Variants in SEMA3A observed in about 807,000 individuals in gnomAD.
The protein encoded by SEMA3A is semaphorin-3A.
In SEMA3A, 29 loss-of-function variants were observed where a neutral mutation model predicts 97.9. The observed-to-expected ratio is 0.30, with a 90% confidence interval of 0.22 to 0.40. SEMA3A has a LOEUF of 0.40. Ranked by LOEUF, SEMA3A falls within the 10% of genes least tolerant of loss-of-function variation. The pLI is 1.00. For synonymous variants in SEMA3A, 321 were observed against 323.7 expected, an observed-to-expected ratio of 0.99 and a Z score of 0.09; for missense variants, 763 against 951.3, an observed-to-expected ratio of 0.80 and a Z score of 2.60.
chr7:84,087,991 T>C (rs1794432907), intron 4 of SEMA3A, among the ~76,000 whole-genome samples: 1 of 152,172 alleles, frequency 6.6e-6, no homozygotes, highest in African/African-American at 2.4e-5. Context: ...TATCCCTGTT[T>C]TAGGGATCTT....
At chr7:84,311,626 C>T (rs1309806368) in intron 2 of SEMA3A, among the ~76,000 whole-genome samples, 1 of 151,834 alleles carries the variant, frequency 6.6e-6, no homozygotes, top group Non-Finnish European at 1.5e-5. Flanking sequence ...GAACATTGCT[C>T]AGGGAAGGCA....
chr7:84,012,778 T>C (rs770000343), intron 7 of SEMA3A, among the ~76,000 whole-genome samples: 7 of 152,178 alleles, frequency 4.6e-5, no homozygotes, highest in Non-Finnish European at 1.0e-4. Flanking sequence ...ACTATTGAGG[T>C]ATGTGTTTAC....
intron 3 of SEMA3A, among the ~76,000 whole-genome samples, chr7:84,298,881 A>G (rs1054050994): frequency 5.9e-5 from 9 of 152,096 alleles, no homozygotes; most frequent in Admixed American, 4.6e-4. Context: ...TGCCAGCAAA[A>G]CTAGAATAAA....
chr7:84,377,464 T>C (rs1218175866), intron 1 of SEMA3A, among the ~76,000 whole-genome samples: 1 of 152,154 alleles, frequency 6.6e-6, no homozygotes, highest in Non-Finnish European at 1.5e-5. Flanking sequence ...GGTCTATGTG[T>C]CTGTTTTTAT....
At chr7:84,455,616 T>A (rs1584337797) in intron 1 of SEMA3A, among the ~76,000 whole-genome samples, 2 of 151,952 alleles carry the variant, frequency 1.3e-5, no homozygotes, top group African/African-American at 4.8e-5. Context: ...TTCAGAGTGA[T>A]AATTTCTATG....
intron 3 of SEMA3A, among the ~76,000 whole-genome samples, chr7:84,254,722 A>C (rs1382210693): frequency 6.6e-6 from 1 of 152,114 alleles, no homozygotes; most frequent in Non-Finnish European, 1.5e-5. Context: ...TGTAATCACC[A>C]CCCAGTCAAG....
chr7:84,472,479 T>A (rs552803716), intron 1 of SEMA3A, among the ~76,000 whole-genome samples: 1 of 152,220 alleles, frequency 6.6e-6, no homozygotes, highest in African/African-American at 2.4e-5. Context: ...ATTGTATTTG[T>A]ATCATGAAGC....
chr7:84,245,871 G>A (rs1799464931), intron 3 of SEMA3A, among the ~76,000 whole-genome samples: 1 of 152,154 alleles, frequency 6.6e-6, no homozygotes, highest in Non-Finnish European at 1.5e-5. Context: ...CCTTAGCAGA[G>A]CTCAAGCACT....
chr7:84,065,519 C>T (rs1238227049), intron 4 of SEMA3A, among the ~76,000 whole-genome samples: 1 of 149,424 alleles, frequency 6.7e-6, no homozygotes, highest in Non-Finnish European at 1.5e-5. Context: ...TGATAGACCG[C>T]TAGCAAGACT....
intron 3 of SEMA3A, among the ~76,000 whole-genome samples, chr7:84,222,475 A>G (rs1798902751): frequency 6.6e-6 from 1 of 151,912 alleles, no homozygotes; most frequent in Non-Finnish European, 1.5e-5. Context: ...AGCAGATAAG[A>G]TAAAAAAGAA....
At chr7:84,408,338 A>G (rs1036558122) in intron 1 of SEMA3A, among the ~76,000 whole-genome samples, 5 of 152,114 alleles carry the variant, frequency 3.3e-5, no homozygotes, top group African/African-American at 1.2e-4. Flanking sequence ...CAAAACCACA[A>G]TGAGATATCA....
intron 2 of SEMA3A, among the ~76,000 whole-genome samples, chr7:84,367,159 T>C (rs1400870258): frequency 4.0e-5 from 6 of 151,048 alleles, no homozygotes; most frequent in Non-Finnish European, 5.9e-5. Context: ...GGGGCTAGAG[T>C]AGAAGTAAGA....
chr7:84,343,766 G>A (rs901555671), intron 2 of SEMA3A, among the ~76,000 whole-genome samples: 3 of 152,106 alleles, frequency 2.0e-5, no homozygotes, highest in Admixed American at 6.6e-5. Context: ...TTGGAAGGCC[G>A]AGGGGAGAGG....
At chr7:84,440,365 C>T (rs1165201473) in intron 1 of SEMA3A, among the ~76,000 whole-genome samples, 1 of 152,130 alleles carries the variant, frequency 6.6e-6, no homozygotes. Context: ...GCAGCTTGAA[C>T]ACAGCTTGTG....
At chr7:84,373,248 T>C (rs1182592375) in intron 1 of SEMA3A, among the ~76,000 whole-genome samples, 2 of 152,158 alleles carry the variant, frequency 1.3e-5, no homozygotes, top group South Asian at 2.1e-4. Context: ...GCCACCAACT[T>C]TCCTGTAGTT....
chr7:84,058,863 A>G (rs770882628), intron 5 of SEMA3A, among the ~76,000 whole-genome samples: 1 of 152,132 alleles, frequency 6.6e-6, no homozygotes, highest in Non-Finnish European at 1.5e-5. Flanking sequence ...ATATAAAACT[A>G]AAACTGTGGA....
At chr7:84,233,302 C>T (rs1482338496) in intron 3 of SEMA3A, among the ~76,000 whole-genome samples, 3 of 151,888 alleles carry the variant, frequency 2.0e-5, no homozygotes, top group African/African-American at 7.2e-5. Flanking sequence ...TTTTAAACCC[C>T]CAATTCCCCT....
chr7:84,462,243 G>T (rs1353400004), intron 1 of SEMA3A, among the ~76,000 whole-genome samples: 1 of 151,928 alleles, frequency 6.6e-6, no homozygotes. Context: ...ATTAAAAAAA[G>T]ATATATGGCC....
intron 13 of SEMA3A, among the ~76,000 whole-genome samples, chr7:83,982,979 C>A (rs1393767259): frequency 6.6e-6 from 1 of 151,856 alleles, no homozygotes; most frequent in Non-Finnish European, 1.5e-5. Context: ...ATTGTGGAAA[C>A]ATTTATCTTC....
Sources: allele counts gnomAD v4.1 joint callset (sites outside exome capture counted in the v4.1 genomes callset), GRCh38; gene constraint gnomAD v4.1.1; transcripts MANE v1.5; gene names NCBI Gene and HGNC (gene_info 2026-07-23, HGNC 2026-07-21).